Variants in SETD1A observed in about 807,000 individuals in gnomAD.
SETD1A encodes the protein SET domain containing 1A, histone lysine methyltransferase, also known as histone-lysine N-methyltransferase SETD1A.
SETD1A carries 29 observed loss-of-function variants against 149.9 expected under a neutral mutation model. The observed-to-expected ratio is 0.19, with a 90% CI of 0.14 to 0.26. The LOEUF (loss-of-function observed/expected upper bound fraction) is 0.26, where lower values mean the gene tolerates loss of function less well. Ranked by LOEUF, SETD1A falls within the 10% of genes least tolerant of loss-of-function variation. The pLI is 1.00. For synonymous variants in SETD1A, 1,141 were observed against 968.5 expected (o/e 1.18, Z -3.31); for missense variants, 2,109 against 2,353.1 (o/e 0.90, Z 2.15).
chr16:30,981,718 G>A (rs971310595), intron 17 of SETD1A, among the ~76,000 whole-genome samples: 1 of 152,220 alleles, frequency 6.6e-6, no homozygotes, highest in Admixed American at 6.5e-5. Flanking sequence ...GGGAGGACAG[G>A]CACTGAACAA....
intron 9 of SETD1A, 33 bp downstream of exon 9, chr16:30,967,093 G>GGGGAGA (rs1158588631): frequency 2.2e-5 from 33 of 1,510,036 alleles, no homozygotes; most frequent in Non-Finnish European, 2.9e-5. Flanking sequence ...GGGGTAGGGT[G>GGGGAGA]GGGAGAGGGA....
chr16:30,977,135 G>A (rs1434182538), intron 13 of SETD1A, among the ~76,000 whole-genome samples: 4 of 152,142 alleles, frequency 2.6e-5, no homozygotes, highest in African/African-American at 4.8e-5. Context: ...TAGTAGAGAC[G>A]GGATTTCACC....
chr16:30,965,552 G>A (rs763851858), intron 7 of SETD1A, 49 bp from the exon 8 acceptor site: 7 of 1,597,248 alleles, frequency 4.4e-6, no homozygotes, highest in Non-Finnish European at 5.1e-6. Context: ...TGAGAAAGTA[G>A]GGCTTGGGTC....
intron 10 of SETD1A, among the ~76,000 whole-genome samples, chr16:30,967,798 A>G (rs1178883886): frequency 2.6e-5 from 4 of 152,216 alleles, no homozygotes; most frequent in Admixed American, 6.5e-5. Context: ...CTGCTGATTT[A>G]CATTTTCTGT....
In SETD1A at chr16:30,957,866, G is replaced by A. The variant is rs1417584758; in HGVS notation, c.-114G>A. The A allele has an allele frequency of 6.6e-6, 1 of 152,282 alleles. No homozygotes were observed. The highest frequency in any genetic ancestry group is 1.5e-5 in the Non-Finnish European group (1 of 68,058). 9.4% of individuals were successfully genotyped at this position (152,282 alleles called of 1,614,324 possible). ...CAACTTCCGAGCCTCCCAGGGCGCC[G>A]GCCGAGGCGAAGCCGCTACCCTCGG... On this transcript the variant is annotated 5_prime_UTR_variant, in exon 1 of 19. Transcript: ENST00000262519.
rs768243589 is a variant in SETD1A, at chr16:30,979,480, C to T, written c.3694C>T (p.Arg1232Trp). ...GGAGGTGTCCCGAGGAGGCCGGAGC[C>T]GGGCTGGAGGCCGAGGCCGCCTCAC... is the stretch of plus-strand genomic sequence containing the variant. ...PEEVSRGGRS[R>W]AGGRGRLTEE... Residue 1232 changes from arginine to tryptophan, a missense_variant, in exon 14 of 19, where the codon CGG becomes TGG. Physicochemically the swap from Arg to Trp is moderately radical, Grantham distance 101. This residue lies in a region of SETD1A where 832 missense variants were observed against 815.6 expected (regional missense o/e 1.02). Coordinates refer to ENST00000262519, the MANE Select transcript of SETD1A (RefSeq NM_014712.3). The T allele has an allele frequency of 7.9e-5, 127 of 1,600,024 alleles. 2 individuals carry two copies. The highest frequency in any genetic ancestry group is 2.7e-4 in the South Asian group (24 of 89,872).
In SETD1A at chr16:30,961,253, T is replaced by C. The variant is rs750238556; in HGVS notation, c.247-14T>C. On this transcript the variant is annotated splice_polypyrimidine_tract_variant and intron_variant, in intron 3 of 18. Coordinates refer to ENST00000262519, the MANE Select transcript of SETD1A (RefSeq NM_014712.3). The surrounding 1 kb of genome is among the most constrained non-coding windows in gnomAD (Gnocchi z 4.0). Reference sequence around the variant, plus strand: ...AGTGTTGAGACCCCATACCAACTCCTGTTCTTTCCCCAGCTGGACGAGTTC... The same window carrying C: ...AGTGTTGAGACCCCATACCAACTCCCGTTCTTTCCCCAGCTGGACGAGTTC... 1 of 1,613,834 alleles carries C rather than the reference T, an allele frequency of 6.2e-7. No homozygotes were observed. The highest frequency in any genetic ancestry group is 8.5e-7 in the Non-Finnish European group (1 of 1,179,878).
rs1025979992 is a variant in SETD1A at position 30,961,305 on chromosome 16, A to G, written c.285A>G (p.Glu95=). ...ATATTGGACAGATTCCACTGAAGGA[A>G]GTGACTTTTGCAAGGCTGAATGACA... ...EFYIGQIPLK[E]VTFARLNDNV... The change falls in exon 4 of 19, where the codon GAA becomes GAG. Residue 95 remains glutamate (E), a synonymous_variant. Coordinates refer to ENST00000262519, the MANE Select transcript of SETD1A (RefSeq NM_014712.3). This position sits in a 1 kb window ranked among gnomAD's most constrained non-coding sequence, Gnocchi z 4.0. 2.7e-5 allele frequency: 43 copies of G among 1,614,028 alleles called. No individual in the cohort carries two copies. Among genetic ancestry groups the G allele is most frequent in the Non-Finnish European group, 3.6e-5 (43 of 1,180,038 alleles).
At chr16:30,967,913 C>T (rs1330730332) in intron 10 of SETD1A, among the ~76,000 whole-genome samples, 1 of 152,150 alleles carries the variant, frequency 6.6e-6, no homozygotes, top group African/African-American at 2.4e-5. Context: ...TGCCCTCCTA[C>T]CACCTTCCTC....
intron 13 of SETD1A, among the ~76,000 whole-genome samples, chr16:30,975,213 G>A (rs1407121819): frequency 2.0e-5 from 3 of 151,880 alleles, no homozygotes; most frequent in Non-Finnish European, 4.4e-5. Flanking sequence ...AGGAGCCTGA[G>A]GCAGGAGAAT....
intron 13 of SETD1A, among the ~76,000 whole-genome samples, chr16:30,978,077 C>A (rs1259862969): frequency 6.6e-6 from 1 of 151,538 alleles, no homozygotes; most frequent in Non-Finnish European, 1.5e-5. Context: ...AGATCGAGAC[C>A]ATCCTGGCCA....
rs1567356572 is a variant in SETD1A at position 30,969,625 on chromosome 16, TGAGGAAGATGAAGATCGA to T, written c.2960_2977del (p.Asp987_Glu992del). 2 of 1,613,926 alleles carry T rather than the reference TGAGGAAGATGAAGATCGA, an allele frequency of 1.2e-6. No individual in the cohort carries two copies. The highest frequency in any genetic ancestry group is 2.2e-5 in the South Asian group (2 of 90,990). On this transcript the variant is annotated inframe_deletion, in exon 12 of 19. Coordinates refer to ENST00000262519, the MANE Select transcript of SETD1A (RefSeq NM_014712.3). ...AGGATGAGGAGGATGACGAGGAAGA[TGAGGAAGATGAAGATCGA>T]GAGGAAGCTGTGGATACCACAAAGA...
At position 30,964,592 on chromosome 16, in the gene SETD1A, C is replaced by T. The variant is rs201783392; in HGVS notation, c.870-20C>T. The stretch of plus-strand genomic sequence containing the variant: ...GTCATAGAGAGCTGAGTCCAGCTAA[C>T]TCCCCTGCTTCTTCTCCAGCACCAC... On this transcript the variant is annotated intron_variant, in intron 6 of 18. Coordinates refer to ENST00000262519, the MANE Select transcript of SETD1A (RefSeq NM_014712.3). 6.2e-7 allele frequency: 1 copy of T among 1,604,220 alleles called. No individual in the cohort carries two copies. Among genetic ancestry groups the T allele is most frequent in the Admixed American group, 1.7e-5 (1 of 59,840 alleles).
rs2056009505 is a variant in SETD1A at position 30,959,083 on chromosome 16, C to T, written c.151-8C>T. 3 of 1,605,056 alleles carry T rather than the reference C, an allele frequency of 1.9e-6. No homozygotes were observed. In the African/African-American group the frequency reaches 4.0e-5, roughly 21 times the overall value. ...GAGCTCTCTTTCTGCTGCTGCTTTC[C>T]TTCCTAGGACTCAAAGTATATACCA... On this transcript the variant is annotated splice_region_variant and splice_polypyrimidine_tract_variant and intron_variant, in intron 2 of 18. Transcript: ENST00000262519.
intron 13 of SETD1A, among the ~76,000 whole-genome samples, chr16:30,972,018 T>G (rs1485037004): frequency 6.6e-6 from 1 of 152,184 alleles, no homozygotes; most frequent in Non-Finnish European, 1.5e-5. Flanking sequence ...TTCCTCCTAA[T>G]TTTTCTTAAG....
At position 30,984,116 on chromosome 16, in the gene SETD1A, C is replaced by T; in HGVS notation, c.*93C>T. On this transcript the variant is annotated 3_prime_UTR_variant, in exon 19 of 19. Coordinates refer to ENST00000262519, the MANE Select transcript of SETD1A (RefSeq NM_014712.3). ...CCAGCCTTAGTGGGCTCAGCAGGGC[C>T]CACATGCCCCCATCTCCAAGCGTGG... The T allele has an allele frequency of 1.7e-6, 2 of 1,178,652 alleles. No homozygotes were observed. The highest frequency in any genetic ancestry group is 3.1e-5 in the South Asian group (2 of 63,806). The allele number at this position is 1,178,652 out of a possible 1,614,324, so 73.0% of individuals were successfully genotyped here.
In SETD1A at chr16:30,961,056, T is replaced by G. The variant is rs561112665; in HGVS notation, c.247-211T>G. On this transcript the variant is annotated intron_variant, in intron 3 of 18. Coordinates refer to ENST00000262519, the MANE Select transcript of SETD1A (RefSeq NM_014712.3). The surrounding 1 kb of genome is among the most constrained non-coding windows in gnomAD (Gnocchi z 4.0). Reference sequence around the variant, plus strand: ...CCACACCCGGCCTAGTTTGCACATTTCTGTTCTTAATTCTTGCTGTTATTC... The same window carrying G: ...CCACACCCGGCCTAGTTTGCACATTGCTGTTCTTAATTCTTGCTGTTATTC... Among the ~76,000 whole-genome samples, 1 of 152,292 alleles carries G rather than the reference T, an allele frequency of 6.6e-6. No homozygotes were observed. The highest frequency in any genetic ancestry group is 1.9e-4 in the East Asian group (1 of 5,180).
chr16:30,980,244 C>T lies in SETD1A; in HGVS notation c.4408+50C>T, dbSNP rs777698086. 1.8e-5 allele frequency: 27 copies of T among 1,530,710 alleles called. No homozygotes were observed. Among genetic ancestry groups the T allele is most frequent in the Non-Finnish European group, 2.4e-5 (27 of 1,138,800 alleles). 94.8% of individuals were successfully genotyped at this position (1,530,710 alleles called of 1,614,324 possible). On this transcript the variant is annotated intron_variant, in intron 14 of 18. Coordinates refer to ENST00000262519, the MANE Select transcript of SETD1A (RefSeq NM_014712.3). The surrounding 1 kb of genome is among the most constrained non-coding windows in gnomAD (Gnocchi z 7.7). ...CCCGGGCTTGGGTCCTCCCCCGACC[C>T]CTCCAGGCACCTGCATCTGTGCCCC... is the stretch of plus-strand genomic sequence containing the variant.
At chr16:30,960,425 C>T (rs1438765616) in intron 3 of SETD1A, among the ~76,000 whole-genome samples, 5 of 152,200 alleles carry the variant, frequency 3.3e-5, no homozygotes, top group Non-Finnish European at 7.3e-5. Flanking sequence ...AATTGTTAAT[C>T]CCCAAATCTC....
Sources: gnomAD v4.1 joint callset for allele counts (sites outside exome capture counted in the v4.1 genomes callset) on GRCh38, gnomAD v4.1.1 for gene constraint, gnomAD v4.1.1 regional missense constraint, Gnocchi (gnomAD v3.1) non-coding constraint, MANE v1.5 for transcripts, NCBI Gene and HGNC (gene_info 2026-07-23, HGNC 2026-07-21) for gene names.